The following BORA variants were observed in gnomAD, a reference collection of about 807,000 sequenced individuals.
BORA encodes protein aurora borealis.
Under a neutral mutation model 55.8 loss-of-function variants are expected in BORA, and 26 were observed. The observed-to-expected ratio is 0.47, with a 90% confidence interval of 0.34 to 0.65. BORA has a LOEUF of 0.65. Ranked by LOEUF, BORA falls within the 30% of genes least tolerant of loss-of-function variation. The pLI, the probability that BORA is intolerant of heterozygous loss-of-function variation, is 0.01. For synonymous variants in BORA, 201 were observed against 216.9 expected, an observed-to-expected ratio of 0.93 and a Z score of 0.64; for missense variants, 568 against 671.5, an observed-to-expected ratio of 0.85 and a Z score of 1.70.
At position 72,738,010 on chromosome 13, in the gene BORA, G is replaced by T; in HGVS notation, c.355G>T (p.Gly119Trp). 2 of 1,599,692 alleles carry T rather than the reference G, an allele frequency of 1.3e-6. No individual in the cohort carries two copies. The highest frequency in any genetic ancestry group is 1.1e-5 in the South Asian group (1 of 89,590). Residue 119 changes from glycine to tryptophan, a missense_variant, in exon 5 of 12, where the codon GGG (glycine) becomes TGG (tryptophan). By Grantham distance (184) the Gly-to-Trp change is radical. Transcript: ENST00000390667. The part of the protein sequence containing the change: ...IVPSPWTDHE[G>W]KQLSQCHSSK... Reference sequence around the variant, plus strand: ...ACCCTCTCCTTGGACTGATCATGAAGGGAAACAGCTTTCACAATGTCATTC... The same window carrying T: ...ACCCTCTCCTTGGACTGATCATGAATGGAAACAGCTTTCACAATGTCATTC...
intron 11 of BORA, 109 bp from the exon 12 acceptor site, chr13:72,755,042 G>C (rs2033412066): frequency 2.4e-6 from 2 of 819,070 alleles, no homozygotes; most frequent in Non-Finnish European, 4.1e-6. Context: ...TGTCCCTTCA[G>C]AGTTCAGCTA....
At chr13:72,744,846 T>G in intron 7 of BORA, 135 bp from the exon 8 acceptor site, 1 of 722,228 alleles carries the variant, frequency 1.4e-6, no homozygotes, top group Non-Finnish European at 2.3e-6. Context: ...ACATCAAATA[T>G]GCAATTAAAC....
chr13:72,753,613 T>A, intron 10 of BORA, 77 bp from the exon 11 acceptor site: 2 of 1,427,914 alleles, frequency 1.4e-6, no homozygotes, highest in South Asian at 1.3e-5. Context: ...TGAATGAGAG[T>A]TTATAGTGGT....
chr13:72,746,875 A>G lies in BORA; in HGVS notation c.1246A>G (p.Lys416Glu). The G allele has an allele frequency of 6.2e-7, 1 of 1,614,170 alleles. No homozygotes were observed. The highest frequency in any genetic ancestry group is 8.5e-7 in the Non-Finnish European group (1 of 1,180,006). Residue 416 changes from lysine (K) to glutamate (E), a missense_variant, in exon 10 of 12, where the codon AAA becomes GAA. Physicochemically the swap from Lys to Glu is moderately conservative, Grantham distance 56. Coordinates refer to ENST00000390667, the MANE Select transcript of BORA (RefSeq NM_024808.5). ...ACAAAATCAGTCCAGTGCTTCTGAGAAAGAATTAGCACTGTTGCAGGATGT... is the reference window on the plus strand; with the variant it reads ...ACAAAATCAGTCCAGTGCTTCTGAGGAAGAATTAGCACTGTTGCAGGATGT... ...VTQNQSSASE[K>E]ELALLQDVER...
At chr13:72,729,418 AT>A (rs2032762807) in intron 2 of BORA, among the ~76,000 whole-genome samples, 1 of 152,178 alleles carries the variant, frequency 6.6e-6, no homozygotes, top group African/African-American at 2.4e-5. Flanking sequence ...GTTCTCACTT[AT>A]TTGGCAAACA....
chr13:72,737,479 A>G (rs1159572954), intron 4 of BORA, among the ~76,000 whole-genome samples: 1 of 151,608 alleles, frequency 6.6e-6, no homozygotes, highest in African/African-American at 2.4e-5. Context: ...TTTTTAATAT[A>G]TTTAATTGTA....
Position 72,755,308 on chromosome 13 carries a change from T to G in BORA, c.*92T>G. The G allele has an allele frequency of 1.9e-6, 2 of 1,072,470 alleles. No individual in the cohort carries two copies. Among genetic ancestry groups the G allele is most frequent in the Non-Finnish European group, 2.8e-6 (2 of 715,688 alleles). 66.4% of individuals were successfully genotyped at this position (1,072,470 alleles called of 1,614,324 possible). ...AACATGATGGTGACTGGGAAAAAAT[T>G]ACTTCAAGTAACATGCTTAGCTTTC... is the stretch of plus-strand genomic sequence containing the variant. On this transcript the variant is annotated 3_prime_UTR_variant, in exon 12 of 12. Transcript: ENST00000390667.
Position 72,746,820 on chromosome 13 carries a change from A to G in BORA, c.1191A>G (p.Thr397=). ...QFSNEASTHG[T]HLVVTAMSVT... is the part of the protein sequence containing the mutation. ...GTAATGAGGCTTCTACCCATGGTAC[A>G]CATTTGGTTGTGACTGCCATGTCTG... The change falls in exon 10 of 12, where the codon ACA becomes ACG. Residue 397 remains threonine (T), a synonymous_variant. Transcript: ENST00000390667. 6.2e-7 allele frequency: 1 copy of G among 1,614,158 alleles called. No individual in the cohort carries two copies. The highest frequency in any genetic ancestry group is 1.1e-5 in the South Asian group (1 of 91,088).
intron 5 of BORA, among the ~76,000 whole-genome samples, chr13:72,742,802 AC>A (rs2033062792): frequency 7.1e-6 from 1 of 140,942 alleles, no homozygotes; most frequent in Non-Finnish European, 1.6e-5. Context: ...ACACACACAC[AC>A]ACACACACAA....
chr13:72,742,785 C>T (rs200787834), intron 5 of BORA, among the ~76,000 whole-genome samples: 77 of 118,534 alleles, frequency 6.5e-4, no homozygotes, highest in African/African-American at 3.7e-3. Context: ...CACACACACA[C>T]ACACACACAC....
At chr13:72,742,251 TG>T in intron 5 of BORA, among the ~76,000 whole-genome samples, 1 of 74,312 alleles carries the variant, frequency 1.3e-5, no homozygotes, top group African/African-American at 5.2e-5. Flanking sequence ...TTTCTGGTTT[TG>T]GGGGGAGGGG....
chr13:72,755,242 A>AAGCTTT lies in BORA; in HGVS notation c.*31_*32insTAGCTT. 6.3e-7 allele frequency: 1 copy of AAGCTTT among 1,581,638 alleles called. No individual in the cohort carries two copies. The highest frequency in any genetic ancestry group is 8.7e-7 in the Non-Finnish European group (1 of 1,151,580). On this transcript the variant is annotated 3_prime_UTR_variant, in exon 12 of 12. Transcript: ENST00000390667. Reference sequence around the variant, plus strand: ...AATGCCTCTGTCAGAATCAAAGACTAAGCTTAAGAGTTCCTCGCATATATC... The same window carrying AAGCTTT: ...AATGCCTCTGTCAGAATCAAAGACTAAGCTTTAGCTTAAGAGTTCCTCGCATATATC...
At chr13:72,751,195 T>G (rs2033266148) in intron 10 of BORA, among the ~76,000 whole-genome samples, 2 of 152,110 alleles carry the variant, frequency 1.3e-5, no homozygotes, top group Admixed American at 1.3e-4. Context: ...TTATGGAAGT[T>G]CCTCAAAAAA....
intron 7 of BORA, among the ~76,000 whole-genome samples, 193 bp from the exon 8 acceptor site, chr13:72,744,788 T>A (rs950011176): frequency 6.6e-6 from 1 of 152,214 alleles, no homozygotes; most frequent in African/African-American, 2.4e-5. Context: ...ATTGATATTA[T>A]ACTAACAATG....
At chr13:72,741,411 A>G (rs975828584) in intron 5 of BORA, among the ~76,000 whole-genome samples, 12 of 152,224 alleles carry the variant, frequency 7.9e-5, no homozygotes, top group African/African-American at 2.9e-4. Flanking sequence ...TACATTTCAT[A>G]GAAAATGTCT....
intron 10 of BORA, among the ~76,000 whole-genome samples, chr13:72,749,110 G>A (rs1181193913): frequency 6.6e-6 from 1 of 152,008 alleles, no homozygotes; most frequent in Non-Finnish European, 1.5e-5. Context: ...CTGAGGAAGA[G>A]TACATTTCTA....
intron 2 of BORA, among the ~76,000 whole-genome samples, chr13:72,730,832 C>T (rs1168904972): frequency 6.8e-6 from 1 of 148,004 alleles, no homozygotes; most frequent in African/African-American, 2.5e-5. Flanking sequence ...GGGCTGATGA[C>T]TTGAAGTCAG....
chr13:72,740,832 T>C (rs1418433668), intron 5 of BORA, among the ~76,000 whole-genome samples: 2 of 152,168 alleles, frequency 1.3e-5, no homozygotes, highest in Non-Finnish European at 2.9e-5. Flanking sequence ...ATTATCTAGG[T>C]TTGAATTGTA....
At position 72,746,912 on chromosome 13, in the gene BORA, A is replaced by G; in HGVS notation, c.1283A>G (p.Lys428Arg). 2 of 1,614,142 alleles carry G rather than the reference A, an allele frequency of 1.2e-6. No homozygotes were observed. The highest frequency in any genetic ancestry group is 1.3e-5 in the African/African-American group (1 of 75,040). The change falls in exon 10 of 12, where the codon AAA becomes AGA. Residue 428 changes from lysine to arginine, a missense_variant. By Grantham distance (26) the Lys-to-Arg change is conservative. Coordinates refer to ENST00000390667, the MANE Select transcript of BORA (RefSeq NM_024808.5). ...CTGTTGCAGGATGTTGAAAGGGAGA[A>G]AGACAATAACACTGTGGATATGGTT... is the stretch of plus-strand genomic sequence containing the variant. ...LALLQDVEREKDNNTVDMVDP... is the reference protein window; with the variant it reads ...LALLQDVERERDNNTVDMVDP...
Sources: allele counts gnomAD v4.1 joint callset (sites outside exome capture counted in the v4.1 genomes callset), GRCh38; gene constraint gnomAD v4.1.1; transcripts MANE v1.5; gene names NCBI Gene and HGNC (gene_info 2026-07-23, HGNC 2026-07-21).